The following LAMP3 variants were observed in gnomAD, a reference collection of about 807,000 sequenced individuals.
LAMP3 encodes lysosome-associated membrane glycoprotein 3.
LAMP3 carries 26 observed loss-of-function variants against 34.8 expected under a neutral mutation model. That is an observed-to-expected ratio of 0.75 (90% CI 0.55 to 1.04). LAMP3 has a LOEUF of 1.04. LAMP3 is among the 50% of genes least tolerant of loss of function. The pLI is 0.00. For synonymous variants in LAMP3, 180 were observed against 201.9 expected (o/e 0.89, Z 0.92); for missense variants, 495 against 524.0 (o/e 0.94, Z 0.54).
intron 1 of LAMP3, among the ~76,000 whole-genome samples, chr3:183,159,446 A>T (rs1197590336): frequency 1.3e-5 from 2 of 152,088 alleles, no homozygotes; most frequent in Non-Finnish European, 2.9e-5. Context: ...CAGGCCTGGC[A>T]GGCCTTGGAG....
At chr3:183,161,864 A>G in intron 1 of LAMP3, 1 of 576,846 alleles carries the variant, frequency 1.7e-6, no homozygotes, top group Non-Finnish European at 2.2e-6. Context: ...GTAAGTGTGA[A>G]AGTGTGGCGC....
intron 1 of LAMP3, among the ~76,000 whole-genome samples, chr3:183,156,259 G>C (rs1222407828): frequency 6.6e-6 from 1 of 152,170 alleles, no homozygotes; most frequent in Non-Finnish European, 1.5e-5. Flanking sequence ...TACTTGGAAG[G>C]CTGAGGCAAG....
chr3:183,154,632 C>T (rs1720773285), intron 1 of LAMP3, among the ~76,000 whole-genome samples: 1 of 152,156 alleles, frequency 6.6e-6, no homozygotes, highest in Non-Finnish European at 1.5e-5. Flanking sequence ...TTCCACAGCA[C>T]CCAGCCCCTT....
At chr3:183,139,754 T>C (rs531605662) in intron 4 of LAMP3, among the ~76,000 whole-genome samples, 6 of 152,294 alleles carry the variant, frequency 3.9e-5, no homozygotes, top group Middle Eastern at 3.4e-3. Flanking sequence ...GGGGCAGTAC[T>C]GTATTATCAT....
At chr3:183,137,968 C>T (rs555314075) in intron 4 of LAMP3, among the ~76,000 whole-genome samples, 7 of 151,996 alleles carry the variant, frequency 4.6e-5, no homozygotes, top group East Asian at 3.9e-4. Context: ...TATAGGTGCC[C>T]GCCACCATGC....
intron 5 of LAMP3, 95 bp downstream of exon 5, chr3:183,135,622 G>T: frequency 2.6e-6 from 3 of 1,172,980 alleles, no homozygotes; most frequent in South Asian, 1.4e-5. Context: ...CTCATGAGAT[G>T]CTTGCTCCTT....
chr3:183,150,570 T>A (rs1341203082), intron 3 of LAMP3, among the ~76,000 whole-genome samples: 2 of 144,610 alleles, frequency 1.4e-5, no homozygotes, highest in African/African-American at 5.1e-5. Flanking sequence ...AGTGACTTTT[T>A]TTTTTTTTTT....
rs1560315781 is a variant in LAMP3, at chr3:183,154,407, TAA to T, written c.50-18_50-17del. Reference sequence around the variant, plus strand: ...TGCAAAATTACTGAAAATTAGGAAATAAAAGTGTTAAAAACACTAACCGATTG... The same window carrying T: ...TGCAAAATTACTGAAAATTAGGAAATAAGTGTTAAAAACACTAACCGATTG... On this transcript the variant is annotated splice_polypyrimidine_tract_variant and intron_variant, in intron 1 of 5. Transcript: ENST00000265598. 6.4e-7 allele frequency: 1 copy of T among 1,563,178 alleles called. No homozygotes were observed. Among genetic ancestry groups the T allele is most frequent in the South Asian group, 1.2e-5 (1 of 84,346 alleles).
At chr3:183,132,541 C>T in intron 5 of LAMP3, 14 of 985,382 alleles carry the variant, frequency 1.4e-5, no homozygotes, top group Non-Finnish European at 1.7e-5. Flanking sequence ...CATGTCTCTG[C>T]CTATTGCCCC....
At chr3:183,148,688 G>A (rs1720520223) in intron 3 of LAMP3, among the ~76,000 whole-genome samples, 2 of 152,266 alleles carry the variant, frequency 1.3e-5, no homozygotes, top group Admixed American at 1.3e-4. Flanking sequence ...CAAAAGATAG[G>A]CAATAACAAA....
At chr3:183,132,666 T>C (rs1471606064) in intron 5 of LAMP3, 6 of 985,322 alleles carry the variant, frequency 6.1e-6, no homozygotes, top group African/African-American at 1.7e-5. Flanking sequence ...TTCCCAGCAC[T>C]GCGGTAGCCC....
chr3:183,134,417 A>G (rs1720022180), intron 5 of LAMP3, among the ~76,000 whole-genome samples: 2 of 152,226 alleles, frequency 1.3e-5, no homozygotes, highest in Middle Eastern at 3.2e-3. Flanking sequence ...TCTGCCACTA[A>G]GAAGTTTCCC....
chr3:183,125,172 C>G (rs1024710296), intron 5 of LAMP3, among the ~76,000 whole-genome samples: 9 of 152,126 alleles, frequency 5.9e-5, no homozygotes, highest in Admixed American at 2.0e-4. Flanking sequence ...ATAGAATACT[C>G]TAATGAAGAG....
At chr3:183,124,599 G>A (rs534249903) in intron 5 of LAMP3, among the ~76,000 whole-genome samples, 2 of 152,288 alleles carry the variant, frequency 1.3e-5, no homozygotes, top group East Asian at 3.9e-4. Context: ...TTGGGAGGCC[G>A]AGGCGGGCGG....
chr3:183,154,213 T>C lies in LAMP3; in HGVS notation c.228A>G (p.Gln76=). 1 of 1,614,090 alleles carries C rather than the reference T, an allele frequency of 6.2e-7. No individual in the cohort carries two copies. The highest frequency in any genetic ancestry group is 8.5e-7 in the Non-Finnish European group (1 of 1,180,020). ...ARFMDGHITF[Q]TAATVKIPTT... Reference sequence around the variant, plus strand: ...TTGGAATTTTTACTGTGGCCGCTGTTTGAAAGGTGATATGACCATCCATGA... The same window carrying C: ...TTGGAATTTTTACTGTGGCCGCTGTCTGAAAGGTGATATGACCATCCATGA... Residue 76 remains glutamine (Q), a synonymous_variant, in exon 2 of 6, where the codon CAA becomes CAG. Coordinates refer to ENST00000265598, the MANE Select transcript of LAMP3 (RefSeq NM_014398.4).
chr3:183,137,007 A>AAAATAAAT (rs1266684624), intron 4 of LAMP3, among the ~76,000 whole-genome samples: 1 of 150,250 alleles, frequency 6.7e-6, no homozygotes, highest in Admixed American at 6.6e-5. Flanking sequence ...GAATGTCTCT[A>AAAATAAAT]AAATAAATAA....
At chr3:183,128,577 A>C (rs897457513) in intron 5 of LAMP3, among the ~76,000 whole-genome samples, 5 of 152,148 alleles carry the variant, frequency 3.3e-5, no homozygotes, top group Non-Finnish European at 5.9e-5. Flanking sequence ...CATTTCATAT[A>C]TGTGAAGGTG....
At chr3:183,133,441 G>A (rs142626786) in intron 5 of LAMP3, among the ~76,000 whole-genome samples, 647 of 152,220 alleles carry the variant, frequency 4.3e-3, no homozygotes, top group Non-Finnish European at 6.9e-3. Context: ...TGCAACCTCC[G>A]CCTCCTGATT....
chr3:183,161,322 G>C (rs1312082481), intron 1 of LAMP3, among the ~76,000 whole-genome samples: 1 of 152,178 alleles, frequency 6.6e-6, no homozygotes, highest in African/African-American at 2.4e-5. Flanking sequence ...AGCTCAGAAA[G>C]GAACCGGTAA....
Sources: gnomAD v4.1 joint callset for allele counts (sites outside exome capture counted in the v4.1 genomes callset) on GRCh38, gnomAD v4.1.1 for gene constraint, MANE v1.5 for transcripts, NCBI Gene and HGNC (gene_info 2026-07-23, HGNC 2026-07-21) for gene names.